FANCB: variants seen among roughly 807,000 people sequenced by gnomAD.
The protein encoded by FANCB is FA complementation group B.
FANCB carries 5 observed loss-of-function variants against 38.9 expected under a neutral mutation model. The ratio of observed to expected loss-of-function variants is 0.13; its 90% confidence interval spans 0.07 to 0.27. The LOEUF (loss-of-function observed/expected upper bound fraction) is 0.27. Among genes scored for constraint, FANCB ranks in the 10% least tolerant of loss-of-function variants. The probability of loss-of-function intolerance (pLI) is 1.00; values close to 1 mark genes in which losing one functional copy is unlikely to be tolerated. For missense variants in FANCB, 573 were observed against 602.7 expected (o/e 0.95, Z 0.52); for synonymous variants, 236 against 215.4 (o/e 1.10, Z -0.84).
the FANCB span, among the ~76,000 whole-genome samples, chrX:14,757,689 T>C: frequency 8.9e-6 from 1 of 111,772 alleles, no homozygotes; most frequent in Non-Finnish European, 1.9e-5. Flanking sequence ...GTGGGCTCTC[T>C]CAGTCCCCAG....
chrX:14,804,630 A>G, the FANCB span, among the ~76,000 whole-genome samples: 7 of 112,037 alleles, frequency 6.2e-5, no homozygotes, highest in Non-Finnish European at 1.3e-4. Flanking sequence ...AACTTAAAGT[A>G]TAATAAAAAA....
intron 10 of FANCB, among the ~76,000 whole-genome samples, chrX:14,836,647 G>A (rs1387802531): frequency 8.9e-6 from 1 of 111,748 alleles, no homozygotes; most frequent in Non-Finnish European, 1.9e-5. Flanking sequence ...TATTCAAAGT[G>A]CTTTGGTTTG....
At chrX:14,775,776 C>T in the FANCB span, among the ~76,000 whole-genome samples, 3 of 112,090 alleles carry the variant, frequency 2.7e-5, no homozygotes, top group Non-Finnish European at 3.8e-5. Context: ...AGTACAGCAT[C>T]GAGTCAGTTA....
At chrX:14,732,922 C>T in the FANCB span, among the ~76,000 whole-genome samples, 8 of 112,191 alleles carry the variant, frequency 7.1e-5, no homozygotes, top group Non-Finnish European at 1.1e-4. Context: ...GTTGCCATTG[C>T]TTTTGGTGTT....
the FANCB span, among the ~76,000 whole-genome samples, chrX:14,740,390 C>T: frequency 9.0e-6 from 1 of 111,211 alleles, no homozygotes; most frequent in Non-Finnish European, 1.9e-5. Flanking sequence ...CCATCATGCT[C>T]GGCCATACCT....
chrX:14,752,980 GACACACACACACACACACAC>G, the FANCB span, among the ~76,000 whole-genome samples: 63 of 68,486 alleles, frequency 9.2e-4, no homozygotes, highest in Admixed American at 3.1e-3. Context: ...CTCTCTCTCT[GACACACACACACACACACAC>G]ACACACACAC....
the FANCB span, among the ~76,000 whole-genome samples, chrX:14,829,652 C>G: frequency 2.7e-5 from 3 of 112,009 alleles, no homozygotes; most frequent in Non-Finnish European, 5.6e-5. Context: ...CCTTAAACAT[C>G]ATGAACCAAC....
the FANCB span, among the ~76,000 whole-genome samples, chrX:14,732,051 C>T: frequency 1.8e-5 from 2 of 109,594 alleles, no homozygotes; most frequent in Admixed American, 2.0e-4. Flanking sequence ...ACCCCCCCGA[C>T]AGGCCCTGGT....
the FANCB span, among the ~76,000 whole-genome samples, chrX:14,809,139 C>T: frequency 8.9e-6 from 1 of 112,019 alleles, no homozygotes; most frequent in Admixed American, 9.4e-5. Context: ...CAATGCAAGC[C>T]CTATCAATAC....
At chrX:14,708,792 C>T in the FANCB span, among the ~76,000 whole-genome samples, 2 of 111,259 alleles carry the variant, frequency 1.8e-5, no homozygotes, top group African/African-American at 6.5e-5. Context: ...CAAAATTAGC[C>T]GGGCACGGTG....
At chrX:14,802,063 C>A in the FANCB span, among the ~76,000 whole-genome samples, 1 of 111,407 alleles carries the variant, frequency 9.0e-6, no homozygotes, top group Admixed American at 9.6e-5. Context: ...CCTTATGGTG[C>A]TCCCTGATGG....
chrX:14,745,856 T>G, the FANCB span, among the ~76,000 whole-genome samples: 2 of 107,699 alleles, frequency 1.9e-5, no homozygotes, highest in Non-Finnish European at 3.8e-5. Flanking sequence ...CCCACCACCA[T>G]GACCGGCTAA....
the FANCB span, among the ~76,000 whole-genome samples, chrX:14,809,684 G>A: frequency 8.9e-6 from 1 of 112,822 alleles, no homozygotes; most frequent in South Asian, 3.7e-4. Context: ...TGGGAAGCTC[G>A]AACTGGGTGG....
chrX:14,818,816 T>G, the FANCB span, among the ~76,000 whole-genome samples: 2 of 112,298 alleles, frequency 1.8e-5, no homozygotes, highest in African/African-American at 3.2e-5. Context: ...TCGTACGAAG[T>G]CTTTGAAATA....
the FANCB span, among the ~76,000 whole-genome samples, chrX:14,732,330 T>G: frequency 7.6e-3 from 847 of 112,164 alleles, 10 homozygotes; most frequent in African/African-American, 0.026. Context: ...TTGTAAATAG[T>G]GCTGCAATAA....
chrX:14,760,476 T>G, the FANCB span, among the ~76,000 whole-genome samples: 1 of 111,487 alleles, frequency 9.0e-6, no homozygotes. Flanking sequence ...GTTCTGGCAT[T>G]CTAGTGTGCA....
the FANCB span, among the ~76,000 whole-genome samples, chrX:14,693,643 T>C: frequency 8.9e-6 from 1 of 112,144 alleles, no homozygotes. Context: ...AGTAAACATA[T>C]ACTTTTCAAG....
the FANCB span, among the ~76,000 whole-genome samples, chrX:14,702,414 C>T: frequency 8.9e-6 from 1 of 111,849 alleles, no homozygotes; most frequent in Admixed American, 9.5e-5. Context: ...TCCCTGAAGC[C>T]CCTCCCTAGA....
At chrX:14,762,152 G>A in the FANCB span, among the ~76,000 whole-genome samples, 17 of 111,094 alleles carry the variant, frequency 1.5e-4, no homozygotes, top group Admixed American at 7.7e-4. Flanking sequence ...ATGGTGGAAG[G>A]CAGATGGGCA....
Sources: allele counts gnomAD v4.1 joint callset (sites outside exome capture counted in the v4.1 genomes callset), GRCh38; gene constraint gnomAD v4.1.1; transcripts MANE v1.5; gene names NCBI Gene and HGNC (gene_info 2026-07-23, HGNC 2026-07-21).